The following HECTD4 variants were observed in gnomAD, a reference collection of about 807,000 sequenced individuals.
HECTD4 encodes the protein HECT domain E3 ubiquitin protein ligase 4, also known as probable E3 ubiquitin-protein ligase HECTD4.
Under a neutral mutation model 471.5 loss-of-function variants are expected in HECTD4, and 114 were observed. That is an observed-to-expected ratio of 0.24 (90% CI 0.21 to 0.28). The LOEUF is 0.28. HECTD4 is among the 10% of genes least tolerant of loss of function. The probability of loss-of-function intolerance (pLI) is 1.00; values close to 1 mark genes in which losing one functional copy is unlikely to be tolerated. For synonymous variants in HECTD4, 2,012 were observed against 2,256.0 expected (o/e 0.89, Z 3.07); for missense variants, 3,866 against 5,651.5 (o/e 0.68, Z 10.13).
chr12:112,222,258 A>G (rs1035484331), intron 44 of HECTD4, among the ~76,000 whole-genome samples: 1 of 151,984 alleles, frequency 6.6e-6, no homozygotes, highest in Non-Finnish European at 1.5e-5. Flanking sequence ...GGTTTCACCA[A>G]GTTGGACAGG....
chr12:112,306,218 G>A lies in HECTD4; in HGVS notation c.1181C>T (p.Pro394Leu), dbSNP rs1191433462. The A allele has an allele frequency of 6.4e-7, 1 of 1,563,686 alleles. No individual in the cohort carries two copies. The highest frequency in any genetic ancestry group is 8.6e-7 in the Non-Finnish European group (1 of 1,158,966). ...AATGGGGAGGTGATTGGCTGGCATTGGCACCACCTGGCACACCTGGGCATG... is the reference window on the plus strand; with the variant it reads ...AATGGGGAGGTGATTGGCTGGCATTAGCACCACCTGGCACACCTGGGCATG... ...QNTLQVCQVV[P>L]MPANHLPIGS... is the part of the protein sequence containing the mutation. Residue 394 changes from proline to leucine, a missense_variant, in exon 7 of 76, where the codon CCA (proline) becomes CTA (leucine). Pro to Leu is a moderately conservative substitution (Grantham distance 98). Around this residue, in one of 16 missense-constraint regions of HECTD4, gnomAD observed 440 missense variants for 636.0 expected, o/e 0.69. Transcript: ENST00000682272.
At chr12:112,379,212 A>G (rs1055084873) in intron 1 of HECTD4, among the ~76,000 whole-genome samples, 14 of 152,250 alleles carry the variant, frequency 9.2e-5, no homozygotes, top group Admixed American at 1.3e-4. Flanking sequence ...TATGATGAGG[A>G]GCAGATGTGC....
intron 61 of HECTD4, 42 bp from the exon 62 acceptor site, chr12:112,183,308 C>T (rs943871924): frequency 2.7e-6 from 4 of 1,492,008 alleles, no homozygotes; most frequent in African/African-American, 1.4e-5. Context: ...AGTAGCTTGA[C>T]CAGTCATTCA....
intron 1 of HECTD4, among the ~76,000 whole-genome samples, chr12:112,325,210 T>G (rs757995312): frequency 2.0e-4 from 30 of 152,308 alleles, no homozygotes; most frequent in Non-Finnish European, 3.2e-4. Context: ...TTACAAGTAC[T>G]CCAGTTATAT....
chr12:112,364,595 G>T (rs1332731805), intron 1 of HECTD4, among the ~76,000 whole-genome samples: 1 of 152,022 alleles, frequency 6.6e-6, no homozygotes, highest in Admixed American at 6.6e-5. Flanking sequence ...CAGCCGTGGT[G>T]GCATGGGCCT....
chr12:112,252,470 G>C lies in HECTD4; in HGVS notation c.3506C>G (p.Thr1169Ser). ...FEMRSGREHNTPDKAMWGFAC... is the reference protein window; with the variant it reads ...FEMRSGREHNSPDKAMWGFAC... ...AAAGCCCCACATGGCTTTATCAGGAGTGTTGTGTTCACGGCCACTTCTCAT... is the reference window on the plus strand; with the variant it reads ...AAAGCCCCACATGGCTTTATCAGGACTGTTGTGTTCACGGCCACTTCTCAT... The change falls in exon 23 of 76, where the codon ACT becomes AGT. Residue 1169 changes from threonine (T) to serine (S), a missense_variant. Around this residue, in one of 16 missense-constraint regions of HECTD4, gnomAD observed 281 missense variants for 499.9 expected, o/e 0.56. Transcript: ENST00000682272. 2.5e-6 allele frequency: 4 copies of C among 1,612,964 alleles called. No homozygotes were observed. Among genetic ancestry groups the C allele is most frequent in the African/African-American group, 1.3e-5 (1 of 74,962 alleles).
At chr12:112,272,341 CGCCT>C in intron 11 of HECTD4, among the ~76,000 whole-genome samples, 1 of 152,304 alleles carries the variant, frequency 6.6e-6, no homozygotes, top group East Asian at 1.9e-4. Flanking sequence ...TGGGCCACAG[CGCCT>C]AGCCTCATTT....
intron 2 of HECTD4, among the ~76,000 whole-genome samples, 180 bp from the exon 3 acceptor site, chr12:112,314,726 C>A (rs191063290): frequency 1.3e-5 from 2 of 152,264 alleles, no homozygotes; most frequent in Admixed American, 1.3e-4. Context: ...TTGGCTCATA[C>A]ACAAAGATAC....
chr12:112,350,754 T>C (rs921797682), intron 1 of HECTD4, among the ~76,000 whole-genome samples: 39 of 152,310 alleles, frequency 2.6e-4, no homozygotes, highest in African/African-American at 9.4e-4. Context: ...ACACCCTCAA[T>C]GTTCATTCTC....
At chr12:112,210,614 G>A (rs2032734291) in intron 49 of HECTD4, among the ~76,000 whole-genome samples, 1 of 152,166 alleles carries the variant, frequency 6.6e-6, no homozygotes, top group Non-Finnish European at 1.5e-5. Flanking sequence ...GCCTAGTTAA[G>A]ACCAGCTAAT....
At chr12:112,353,544 C>A (rs1474107076) in intron 1 of HECTD4, among the ~76,000 whole-genome samples, 1 of 152,084 alleles carries the variant, frequency 6.6e-6, no homozygotes, top group Non-Finnish European at 1.5e-5. Flanking sequence ...TTTTAAGAAA[C>A]TACAGGCGGG....
At chr12:112,292,724 C>T (rs1365898935) in intron 7 of HECTD4, among the ~76,000 whole-genome samples, 1 of 151,992 alleles carries the variant, frequency 6.6e-6, no homozygotes, top group East Asian at 1.9e-4. Flanking sequence ...ATAAAAATAC[C>T]GGGAAAAAAA....
At chr12:112,344,292 A>G (rs2036105101) in intron 1 of HECTD4, among the ~76,000 whole-genome samples, 1 of 152,230 alleles carries the variant, frequency 6.6e-6, no homozygotes, top group African/African-American at 2.4e-5. Context: ...AATATCCTAG[A>G]ATGTCCTGTT....
chr12:112,333,854 T>C (rs1378975163), intron 1 of HECTD4, among the ~76,000 whole-genome samples: 2 of 152,186 alleles, frequency 1.3e-5, no homozygotes, highest in Non-Finnish European at 2.9e-5. Context: ...ACATTTATCC[T>C]GATTTCTCAT....
chr12:112,367,070 G>C (rs1175836354), intron 1 of HECTD4, among the ~76,000 whole-genome samples: 1 of 151,108 alleles, frequency 6.6e-6, no homozygotes, highest in African/African-American at 2.4e-5. Context: ...GGGAAGCCGA[G>C]GCAAGCAGAT....
chr12:112,303,892 A>G (rs79061511), intron 7 of HECTD4, among the ~76,000 whole-genome samples: 2 of 151,912 alleles, frequency 1.3e-5, no homozygotes, highest in Non-Finnish European at 2.9e-5. Flanking sequence ...AAAAGGAAGG[A>G]AAAAAAGAAA....
chr12:112,342,871 A>G (rs1436779425), intron 1 of HECTD4, among the ~76,000 whole-genome samples: 1 of 152,226 alleles, frequency 6.6e-6, no homozygotes, highest in Admixed American at 6.5e-5. Context: ...TTTCCCTAGT[A>G]AGCAATGTAA....
chr12:112,324,097 T>C (rs1447921881), intron 1 of HECTD4, among the ~76,000 whole-genome samples: 2 of 90,360 alleles, frequency 2.2e-5, no homozygotes, highest in African/African-American at 7.0e-5. Context: ...TTTCTTTCTT[T>C]CTTTCCTCTC....
At chr12:112,177,800 T>A (rs901343674) in intron 64 of HECTD4, among the ~76,000 whole-genome samples, 1 of 152,338 alleles carries the variant, frequency 6.6e-6, no homozygotes, top group Admixed American at 6.5e-5. Context: ...TACCCAACAC[T>A]GGGCATATGT....
Sources: allele counts gnomAD v4.1 joint callset (sites outside exome capture counted in the v4.1 genomes callset), GRCh38; gene constraint gnomAD v4.1.1; regional missense constraint gnomAD v4.1.1; transcripts MANE v1.5; gene names NCBI Gene and HGNC (gene_info 2026-07-23, HGNC 2026-07-21).